SLC26A4: variants seen among roughly 807,000 people sequenced by gnomAD.
SLC26A4 encodes pendrin.
SLC26A4 carries 93 observed loss-of-function variants against 90.4 expected under a neutral mutation model. The observed-to-expected ratio is 1.03, with a 90% CI of 0.87 to 1.22. The LOEUF (loss-of-function observed/expected upper bound fraction) is 1.22. Among genes scored for constraint, SLC26A4 ranks in the 50% most tolerant of loss-of-function variants. The pLI, the probability that SLC26A4 is intolerant of heterozygous loss-of-function variation, is 0.00. For synonymous variants in SLC26A4, 393 were observed against 354.6 expected (o/e 1.11, Z -1.22); for missense variants, 1,127 against 946.2 (o/e 1.19, Z -2.51).
chr7:107,679,885 TTA>T (rs1176499823), intron 6 of SLC26A4, among the ~76,000 whole-genome samples: 2 of 76,550 alleles, frequency 2.6e-5, no homozygotes, highest in East Asian at 6.4e-4. Context: ...TTATATAATC[TTA>T]TCTTATATAA....
intron 14 of SLC26A4, among the ~76,000 whole-genome samples, chr7:107,699,452 G>A (rs1466882957): frequency 6.6e-6 from 1 of 152,094 alleles, no homozygotes; most frequent in Non-Finnish European, 1.5e-5. Context: ...AAGAATGTTA[G>A]CAAAATCAGG....
At chr7:107,707,372 T>C (rs1004909232) in intron 18 of SLC26A4, among the ~76,000 whole-genome samples, 1 of 152,218 alleles carries the variant, frequency 6.6e-6, no homozygotes, top group African/African-American at 2.4e-5. Flanking sequence ...GAATTCAAAG[T>C]TATTAGAAAC....
Position 107,695,964 on chromosome 7 carries a change from T to C in SLC26A4, c.1469T>C (p.Ile490Thr). ...TGGGTGTTTACGTGTATAGTGTCCA[T>C]CATTCTGGGGCTGGATCTCGGTTTA... is the stretch of plus-strand genomic sequence containing the variant. ...VIWVFTCIVS[I>T]ILGLDLGLLA... Residue 490 changes from isoleucine (I) to threonine (T), a missense_variant, in exon 13 of 21, where the codon ATC becomes ACC. Coordinates refer to ENST00000644269, the MANE Select transcript of SLC26A4 (RefSeq NM_000441.2). 6.2e-7 allele frequency: 1 copy of C among 1,611,358 alleles called. No individual in the cohort carries two copies. The highest frequency in any genetic ancestry group is 8.5e-7 in the Non-Finnish European group (1 of 1,177,500).
chr7:107,685,874 A>ATG (rs142294740), intron 8 of SLC26A4, among the ~76,000 whole-genome samples: 1 of 151,606 alleles, frequency 6.6e-6, no homozygotes, highest in African/African-American at 2.4e-5. Context: ...GTCTGTGTGT[A>ATG]TGTGTGTGTG....
At chr7:107,704,445 C>T in intron 18 of SLC26A4, 60 bp downstream of exon 18, 1 of 767,094 alleles carries the variant, frequency 1.3e-6, no homozygotes. Context: ...TTTCTCCTAT[C>T]TGGGACTGTG....
Position 107,674,184 on chromosome 7 carries a change from T to A in SLC26A4, c.436T>A (p.Leu146Ile). 1 of 1,614,122 alleles carries A rather than the reference T, an allele frequency of 6.2e-7. No homozygotes were observed. Residue 146 changes from leucine (L) to isoleucine (I), a missense_variant, in exon 5 of 21, where the codon TTA becomes ATA. Transcript: ENST00000644269. Reference protein sequence around the residue: ...ISVGPFPVVSLMVGSVVLSMA... With the variant: ...ISVGPFPVVSIMVGSVVLSMA... ...CCCAGGACCTTTTCCAGTGGTGAGT[T>A]TAATGGTGGGATCTGTTGTTCTGAG...
intron 6 of SLC26A4, among the ~76,000 whole-genome samples, chr7:107,681,903 G>A (rs1791239718): frequency 6.6e-6 from 1 of 151,644 alleles, no homozygotes; most frequent in Non-Finnish European, 1.5e-5. Flanking sequence ...GGGCAACAAA[G>A]TGAGACACCA....
Position 107,661,825 on chromosome 7 carries a change from G to A in SLC26A4, c.164+20G>A, listed in dbSNP as rs557709290. 1.6e-5 allele frequency: 24 copies of A among 1,530,004 alleles called. No individual in the cohort carries two copies. The East Asian group carries it at 5.4e-4, about 34-fold the overall frequency. 94.8% of individuals were successfully genotyped at this position (1,530,004 alleles called of 1,614,324 possible). ...CTGCAGGTAGCGGCCGCGCGGGCCT[G>A]CGTAGAGAGAAGCGGAGCGGGGCGT... On this transcript the variant is annotated intron_variant, in intron 2 of 20. Coordinates refer to ENST00000644269, the MANE Select transcript of SLC26A4 (RefSeq NM_000441.2). The surrounding 1 kb of genome is among the most constrained non-coding windows in gnomAD (Gnocchi z 5.1).
chr7:107,700,781 A>G (rs1791863867), intron 15 of SLC26A4, among the ~76,000 whole-genome samples: 1 of 152,226 alleles, frequency 6.6e-6, no homozygotes, highest in Non-Finnish European at 1.5e-5. Context: ...TGCAATAACA[A>G]AAGGGCTCTG....
chr7:107,715,506 T>C lies in SLC26A4; in HGVS notation c.*60T>C, dbSNP rs1360149804. On this transcript the variant is annotated 3_prime_UTR_variant, in exon 21 of 21. Transcript: ENST00000644269. ...ACAAGACAAAACTTCCTCAATGCAT[T>C]GACTATTTCTTCAGACTCAAAACAC... 4.9e-6 allele frequency: 6 copies of C among 1,222,312 alleles called. No individual in the cohort carries two copies. Among genetic ancestry groups the C allele is most frequent in the Admixed American group, 1.7e-5 (1 of 59,540 alleles). The allele number at this position is 1,222,312 out of a possible 1,614,324, so 75.7% of individuals were successfully genotyped here. A position where few individuals can be genotyped will look rare whatever the true frequency, so the allele number is the denominator to read the frequency against.
intron 10 of SLC26A4, chr7:107,693,532 C>G: frequency 1.4e-5 from 14 of 985,332 alleles, no homozygotes; most frequent in Non-Finnish European, 1.7e-5. Context: ...TTCCCTGTCT[C>G]CTTTTCTTCT....
In SLC26A4 at chr7:107,661,707, G is replaced by A; in HGVS notation, c.66G>A (p.Val22=). The change falls in exon 2 of 21, where the codon GTG becomes GTA. Residue 22 remains valine, a synonymous_variant. Coordinates refer to ENST00000644269, the MANE Select transcript of SLC26A4 (RefSeq NM_000441.2). This position sits in a 1 kb window ranked among gnomAD's most constrained non-coding sequence, Gnocchi z 5.1. ...CCGAGTACAGCTGCAGCTACATGGT[G>A]TCGCGGCCGGTCTACAGCGAGCTCG... ...QLPEYSCSYM[V]SRPVYSELAF... is the part of the protein sequence containing the mutation. The A allele has an allele frequency of 4.5e-6, 7 of 1,567,774 alleles. No homozygotes were observed. Among genetic ancestry groups the A allele is most frequent in the Non-Finnish European group, 6.0e-6 (7 of 1,160,474 alleles).
At chr7:107,698,151 C>G (rs1186556088) in intron 14 of SLC26A4, 40 bp downstream of exon 14, 1 of 1,336,610 alleles carries the variant, frequency 7.5e-7, no homozygotes, top group South Asian at 1.2e-5. Context: ...CTTGGGTTTA[C>G]TAGCCTGAAG....
Position 107,709,018 on chromosome 7 carries a change from C to T in SLC26A4, c.2090-1036C>T, listed in dbSNP as rs117675754. ...CCCAAGATGGGGATTCTTGCACAAG[C>T]GATTTATTGAGAATACATCTGAGGA... On this transcript the variant is annotated intron_variant, in intron 18 of 20. Coordinates refer to ENST00000644269, the MANE Select transcript of SLC26A4 (RefSeq NM_000441.2). 4.8e-4 allele frequency among the ~76,000 whole-genome samples: 73 copies of T among 152,168 alleles called. No homozygotes were observed. In the East Asian group the frequency reaches 9.7e-3, roughly 20 times the overall value.
At position 107,701,882 on chromosome 7, in the gene SLC26A4, A is replaced by T. The variant is rs1346269948; in HGVS notation, c.1859A>T (p.Asp620Val). 6.2e-7 allele frequency: 1 copy of T among 1,613,618 alleles called. No individual in the cohort carries two copies. Among genetic ancestry groups the T allele is most frequent in the East Asian group, 2.2e-5 (1 of 44,876 alleles). Residue 620 changes from aspartate to valine, a missense_variant, in exon 17 of 21, where the codon GAT becomes GTT. Physicochemically the swap from Asp to Val is radical, Grantham distance 152. Transcript: ENST00000644269. Reference sequence around the variant, plus strand: ...AATAATGCTTTTGAGCCTGATGAGGATATTGAAGATCTGGAGGAACTTGAT... The same window carrying T: ...AATAATGCTTTTGAGCCTGATGAGGTTATTGAAGATCTGGAGGAACTTGAT... Reference protein sequence around the residue: ...STNNAFEPDEDIEDLEELDIP... With the variant: ...STNNAFEPDEVIEDLEELDIP...
At chr7:107,691,133 A>G (rs532373260) in intron 10 of SLC26A4, among the ~76,000 whole-genome samples, 1 of 151,658 alleles carries the variant, frequency 6.6e-6, no homozygotes, top group South Asian at 2.1e-4. Context: ...ACACACACAC[A>G]CACACACACA....
chr7:107,674,424 G>T, intron 5 of SLC26A4, 76 bp downstream of exon 5: 1 of 1,163,124 alleles, frequency 8.6e-7, no homozygotes. Context: ...TAGACTTAAA[G>T]ATTCTACTAA....
chr7:107,692,090 A>T (rs1442594411), intron 10 of SLC26A4: 1 of 1,288,774 alleles, frequency 7.8e-7, no homozygotes, highest in African/African-American at 1.5e-5. Context: ...AAGTATGCCC[A>T]TGTAAAGTGA....
Position 107,689,086 on chromosome 7 carries a change from G to A in SLC26A4, c.1035G>A (p.Leu345=). Residue 345 remains leucine, a synonymous_variant, in exon 9 of 21, where the codon TTG becomes TTA. Coordinates refer to ENST00000644269, the MANE Select transcript of SLC26A4 (RefSeq NM_000441.2). ...FLPPELPPVS[L]FSEMLAASFS... Reference sequence around the variant, plus strand: ...CTCCTGAACTTCCACCTGTGAGCTTGTTCTCGGAGATGCTGGCTGCATCAT... The same window carrying A: ...CTCCTGAACTTCCACCTGTGAGCTTATTCTCGGAGATGCTGGCTGCATCAT... 1 of 1,614,008 alleles carries A rather than the reference G, an allele frequency of 6.2e-7. No homozygotes were observed. Among genetic ancestry groups the A allele is most frequent in the Non-Finnish European group, 8.5e-7 (1 of 1,179,880 alleles).
Sources: allele counts gnomAD v4.1 joint callset (sites outside exome capture counted in the v4.1 genomes callset), GRCh38; gene constraint gnomAD v4.1.1; non-coding constraint Gnocchi (gnomAD v3.1); transcripts MANE v1.5; gene names NCBI Gene and HGNC (gene_info 2026-07-23, HGNC 2026-07-21).